The following ABCA10 variants were observed in gnomAD, a reference collection of about 807,000 sequenced individuals.
The protein encoded by ABCA10 is ATP-binding cassette sub-family A member 10.
A neutral mutation model predicts 187.5 loss-of-function variants in ABCA10; 169 were observed. The observed-to-expected ratio is 0.90, with a 90% CI of 0.80 to 1.02. ABCA10 has a LOEUF of 1.02. Ranked by LOEUF, ABCA10 falls within the 50% of genes least tolerant of loss-of-function variation. ABCA10 has a pLI of 0.00. For missense variants in ABCA10, 1,727 were observed against 1,812.4 expected (o/e 0.95, Z 0.86); for synonymous variants, 574 against 601.8 (o/e 0.95, Z 0.68).
chr17:69,182,504 T>C (rs1038756353), intron 21 of ABCA10, among the ~76,000 whole-genome samples, 171 bp downstream of exon 21: 1 of 152,076 alleles, frequency 6.6e-6, no homozygotes, highest in African/African-American at 2.4e-5. Context: ...TTTACTAACA[T>C]GAAAAGATGT....
At position 69,148,749 on chromosome 17, in the gene ABCA10, A is replaced by G; in HGVS notation, c.*78T>C. 1 of 1,210,532 alleles carries G rather than the reference A, an allele frequency of 8.3e-7. No individual in the cohort carries two copies. Among genetic ancestry groups the G allele is most frequent in the Non-Finnish European group, 1.2e-6 (1 of 849,708 alleles). The allele number at this position is 1,210,532 out of a possible 1,614,324, so 75.0% of individuals were successfully genotyped here. Reference sequence around the variant, plus strand: ...ATGTTTTCTTTTGTTAACTGAAGTAAAAGGAAACATTCTTGTAGAATTATG... The same window carrying G: ...ATGTTTTCTTTTGTTAACTGAAGTAGAAGGAAACATTCTTGTAGAATTATG... On this transcript the variant is annotated 3_prime_UTR_variant, in exon 39 of 39. Coordinates refer to ENST00000690296, the MANE Select transcript of ABCA10 (RefSeq NM_001377321.1).
In ABCA10 at chr17:69,165,075, T is replaced by G. The variant is rs1270992945; in HGVS notation, c.3171A>C (p.Ile1057=). ...FWSFGFFIIL[I]CVSTIMVSTQ... ...TTGATACCATAATTGTGGATACACA[T>G]ATTAAGATCTAGAAAAAAATCCAGA... Residue 1057 remains isoleucine, a synonymous_variant, in exon 26 of 39, where the codon ATA becomes ATC. Transcript: ENST00000690296. The G allele has an allele frequency of 1.9e-6, 3 of 1,555,570 alleles. No individual in the cohort carries two copies. The highest frequency in any genetic ancestry group is 1.8e-6 in the Non-Finnish European group (2 of 1,128,858).
chr17:69,170,437 C>CAA (rs71144658), intron 25 of ABCA10, among the ~76,000 whole-genome samples: 69 of 109,618 alleles, frequency 6.3e-4, no homozygotes, highest in African/African-American at 1.4e-3. Flanking sequence ...TTTTACTCAT[C>CAA]AAAAAAAAAA....
intron 3 of ABCA10, among the ~76,000 whole-genome samples, chr17:69,223,927 G>C (rs189898945): frequency 2.8e-4 from 42 of 152,262 alleles, no homozygotes; most frequent in Admixed American, 2.7e-3. Flanking sequence ...TGTGCATACA[G>C]GAAGAATAGT....
chr17:69,191,956 A>G (rs2074463599), intron 16 of ABCA10, among the ~76,000 whole-genome samples: 3 of 152,232 alleles, frequency 2.0e-5, no homozygotes, highest in African/African-American at 7.2e-5. Flanking sequence ...TTTAGGCCAA[A>G]TTGTTTTGCT....
At chr17:69,190,220 T>C in intron 18 of ABCA10, 138 bp downstream of exon 18, 3 of 985,494 alleles carry the variant, frequency 3.0e-6, no homozygotes, top group Non-Finnish European at 2.8e-6. Context: ...ATTTTCTATC[T>C]AGTGGACAAT....
Position 69,185,585 on chromosome 17 carries a change from C to G in ABCA10, c.2389G>C (p.Val797Leu). 6.8e-6 allele frequency: 11 copies of G among 1,612,946 alleles called. No individual in the cohort carries two copies. The highest frequency in any genetic ancestry group is 9.3e-6 in the Non-Finnish European group (11 of 1,179,156). The change falls in exon 20 of 39, where the codon GTA (valine) becomes CTA (leucine). Residue 797 changes from valine (V) to leucine (L), a missense_variant. Val to Leu is a conservative substitution (Grantham distance 32). Coordinates refer to ENST00000690296, the MANE Select transcript of ABCA10 (RefSeq NM_001377321.1). ...TCCCAACAATGAGTTTCACGAGTTA[C>G]TTTATACATTATCTTCTCTAGAATG... is the stretch of plus-strand genomic sequence containing the variant. ...PIILEKIMYK[V>L]TRETHCWEFS...
chr17:69,149,223 G>T, intron 37 of ABCA10, 135 bp from the exon 38 acceptor site: 1 of 929,786 alleles, frequency 1.1e-6, no homozygotes, highest in Non-Finnish European at 1.6e-6. Flanking sequence ...TTTTCTTGAA[G>T]GATAAAGAAG....
intron 27 of ABCA10, among the ~76,000 whole-genome samples, chr17:69,159,023 T>A (rs1252086404): frequency 6.6e-6 from 1 of 151,714 alleles, no homozygotes; most frequent in Non-Finnish European, 1.5e-5. Flanking sequence ...TAAAAACAAA[T>A]CATAAAATAT....
At chr17:69,187,949 T>C in intron 18 of ABCA10, 70 bp from the exon 19 acceptor site, 2 of 1,426,324 alleles carry the variant, frequency 1.4e-6, no homozygotes, top group Admixed American at 1.9e-5. Flanking sequence ...ACTTTGAAAA[T>C]GATGTTAGAC....
intron 28 of ABCA10, 29 bp downstream of exon 28, chr17:69,156,803 A>G (rs1265931649): frequency 7.7e-7 from 1 of 1,299,800 alleles, no homozygotes; most frequent in South Asian, 1.5e-5. Flanking sequence ...TTTAGATTAT[A>G]TTCAGATCTC....
intron 1 of ABCA10, chr17:69,234,793 T>A (rs2074855594): frequency 6.6e-6 from 1 of 152,222 alleles, no homozygotes; most frequent in Admixed American, 6.5e-5. Context: ...AACAATGGCG[T>A]TCACAGAGTA....
intron 19 of ABCA10, among the ~76,000 whole-genome samples, 189 bp from the exon 20 acceptor site, chr17:69,185,832 A>T (rs746090694): frequency 2.6e-5 from 4 of 152,186 alleles, no homozygotes; most frequent in Non-Finnish European, 4.4e-5. Flanking sequence ...TTTGTATCAC[A>T]TTGGAAGATA....
intron 20 of ABCA10, among the ~76,000 whole-genome samples, chr17:69,183,599 G>A (rs1355950723): frequency 6.6e-6 from 1 of 152,130 alleles, no homozygotes; most frequent in African/African-American, 2.4e-5. Flanking sequence ...TGGGGAATCC[G>A]AAGGTTGAGA....
chr17:69,225,451 G>T lies in ABCA10; in HGVS notation c.-93C>A. On this transcript the variant is annotated 5_prime_UTR_variant, in exon 3 of 39. Coordinates refer to ENST00000690296, the MANE Select transcript of ABCA10 (RefSeq NM_001377321.1). ...ACGCTTCCCAGGACTTTAGGAGGTT[G>T]TTCAGGAAAACGGGTAGCTCTGAAG... The T allele has an allele frequency of 7.2e-7, 1 of 1,383,410 alleles. No individual in the cohort carries two copies. The highest frequency in any genetic ancestry group is 1.2e-5 in the South Asian group (1 of 82,220). The allele number at this position is 1,383,410 out of a possible 1,614,324, so 85.7% of individuals were successfully genotyped here.
intron 19 of ABCA10, 21 bp from the exon 20 acceptor site, chr17:69,185,664 A>C: frequency 6.4e-7 from 1 of 1,559,098 alleles, no homozygotes; most frequent in South Asian, 1.2e-5. Context: ...CAAAATTATA[A>C]CATGAGTCTG....
chr17:69,155,116 G>C lies in ABCA10; in HGVS notation c.3597C>G (p.Ser1199Arg), dbSNP rs561157424. 1.9e-6 allele frequency: 3 copies of C among 1,611,164 alleles called. No individual in the cohort carries two copies. Among genetic ancestry groups the C allele is most frequent in the Non-Finnish European group, 1.7e-6 (2 of 1,178,550 alleles). Residue 1199 changes from serine (S) to arginine (R), a missense_variant, in exon 30 of 39, where the codon AGC becomes AGG. Physicochemically the swap from Ser to Arg is moderately radical, Grantham distance 110 (BLOSUM62 -1). Transcript: ENST00000690296. Reference protein sequence around the residue: ...NLEEEPVITASCLHKEYYETK... With the variant: ...NLEEEPVITARCLHKEYYETK... ...TCTCATAATATTCCTTGTGTAAACA[G>C]CTTGCAGTTATGACTGGTTCCTGGA...
Position 69,151,775 on chromosome 17 carries a change from CT to C in ABCA10, c.4397+267del, listed in dbSNP as rs1232913578. On this transcript the variant is annotated intron_variant, in intron 36 of 38. Coordinates refer to ENST00000690296, the MANE Select transcript of ABCA10 (RefSeq NM_001377321.1). ...AAGTTGATAGTTTAATTTGTCTGTACTTTGTTCTTAATCTCCAAGCCATTCC... is the reference window on the plus strand; with the variant it reads ...AAGTTGATAGTTTAATTTGTCTGTACTTGTTCTTAATCTCCAAGCCATTCC... 6.6e-5 allele frequency among the ~76,000 whole-genome samples: 10 copies of C among 152,230 alleles called. No homozygotes were observed. In the East Asian group the frequency reaches 1.9e-3, roughly 29 times the overall value.
Position 69,185,610 on chromosome 17 carries a change from G to C in ABCA10, c.2364C>G (p.Ile788Met). 6.2e-7 allele frequency: 1 copy of C among 1,611,460 alleles called. No individual in the cohort carries two copies. The highest frequency in any genetic ancestry group is 8.5e-7 in the Non-Finnish European group (1 of 1,178,342). Residue 788 changes from isoleucine to methionine, a missense_variant, in exon 20 of 39, where the codon ATC becomes ATG. Transcript: ENST00000690296. The stretch of plus-strand genomic sequence containing the variant: ...CTTTATACATTATCTTCTCTAGAAT[G>C]ATGGGGATAAAAGCAATTCCAAGTA... The part of the protein sequence containing the change: ...LLVLGIAFIP[I>M]ILEKIMYKVT...
Sources: allele counts gnomAD v4.1 joint callset (sites outside exome capture counted in the v4.1 genomes callset), GRCh38; gene constraint gnomAD v4.1.1; transcripts MANE v1.5; gene names NCBI Gene and HGNC (gene_info 2026-07-23, HGNC 2026-07-21).